Variants in DNAH6 observed in about 807,000 individuals in gnomAD.
DNAH6 encodes the protein dynein axonemal heavy chain 6, also known as axonemal beta dynein heavy chain 6.
Under a neutral mutation model 491.4 loss-of-function variants are expected in DNAH6, and 340 were observed. That is an observed-to-expected ratio of 0.69 (90% confidence interval 0.63 to 0.76). The LOEUF (loss-of-function observed/expected upper bound fraction) is 0.76. Ranked by LOEUF, DNAH6 falls within the 30% of genes least tolerant of loss-of-function variation. DNAH6 has a pLI of 0.00. For missense variants in DNAH6, 4,443 were observed against 4,972.2 expected, an observed-to-expected ratio of 0.89 and a Z score of 3.20; for synonymous variants, 1,603 against 1,686.1, an observed-to-expected ratio of 0.95 and a Z score of 1.21.
In DNAH6 at chr2:84,797,761, TAAAC is replaced by T. The variant is rs901754535; in HGVS notation, c.11481+107_11481+110del. 2.9e-5 allele frequency: 29 copies of T among 1,011,990 alleles called. No homozygotes were observed. The Admixed American group carries it at 5.0e-4, about 18-fold the overall frequency. The allele number at this position is 1,011,990 out of a possible 1,614,324, so 62.7% of individuals were successfully genotyped here. ...CTCTGGAAATTATAATCTTCCTAAA[TAAAC>T]AAATAAAATAATTGTTTCACCTTGA... is the stretch of plus-strand genomic sequence containing the variant. On this transcript the variant is annotated intron_variant, in intron 70 of 76. Coordinates refer to ENST00000389394, the MANE Select transcript of DNAH6 (RefSeq NM_001370.2).
At chr2:84,793,914 A>G (rs528956666) in intron 68 of DNAH6, among the ~76,000 whole-genome samples, 4 of 152,180 alleles carry the variant, frequency 2.6e-5, no homozygotes, top group African/African-American at 9.6e-5. Context: ...CTCTCAACCA[A>G]CCATCTCAGC....
chr2:84,790,033 A>C (rs1417932941), intron 68 of DNAH6, among the ~76,000 whole-genome samples: 1 of 152,226 alleles, frequency 6.6e-6, no homozygotes, highest in African/African-American at 2.4e-5. Context: ...TTGTGTTGAG[A>C]AATAACATAT....
At chr2:84,579,752 G>A in intron 14 of DNAH6, 73 bp downstream of exon 14, 1 of 1,342,232 alleles carries the variant, frequency 7.5e-7, no homozygotes, top group Non-Finnish European at 1.0e-6. Flanking sequence ...ACAAGAAAAA[G>A]TGAAGGACTA....
chr2:84,576,325 C>T (rs1197537910), intron 12 of DNAH6, among the ~76,000 whole-genome samples: 3 of 152,048 alleles, frequency 2.0e-5, no homozygotes, highest in African/African-American at 7.2e-5. Flanking sequence ...AAGACCTGAG[C>T]TCAGGTCTTC....
the DNAH6 span, among the ~76,000 whole-genome samples, chr2:84,491,265 T>C: frequency 6.6e-6 from 1 of 152,244 alleles, no homozygotes; most frequent in African/African-American, 2.4e-5. Flanking sequence ...TTCAACTATA[T>C]TTTTAACATT....
intron 76 of DNAH6, among the ~76,000 whole-genome samples, chr2:84,817,632 G>A (rs1680618621): frequency 6.6e-6 from 1 of 152,066 alleles, no homozygotes; most frequent in Admixed American, 6.5e-5. Context: ...AACTGTCTTT[G>A]TTTGTGTTTG....
Position 84,533,735 on chromosome 2 carries a change from T to C in DNAH6, c.662+4569T>C, listed in dbSNP as rs148469214. ...AATTTGTTTACTTCCATTTTCTAAA[T>C]TGAAACACTCAGCCTTGCAGCTTTA... is the stretch of plus-strand genomic sequence containing the variant. On this transcript the variant is annotated intron_variant, in intron 4 of 76. Transcript: ENST00000389394. 3.1e-3 allele frequency among the ~76,000 whole-genome samples: 467 copies of C among 152,272 alleles called. 2 individuals carry two copies. The highest frequency in any genetic ancestry group is 5.2e-3 in the Admixed American group (79 of 15,262).
At chr2:84,785,873 G>C in intron 67 of DNAH6, 117 bp downstream of exon 67, 3 of 1,089,016 alleles carry the variant, frequency 2.8e-6, no homozygotes, top group Non-Finnish European at 3.7e-6. Context: ...GCCCCATTCT[G>C]TGTCTGAACC....
intron 45 of DNAH6, among the ~76,000 whole-genome samples, chr2:84,689,357 T>C (rs1314565492): frequency 1.3e-5 from 2 of 151,556 alleles, no homozygotes; most frequent in Non-Finnish European, 2.9e-5. Context: ...AAGCCACTCC[T>C]ACCCTTAGCA....
intron 38 of DNAH6, among the ~76,000 whole-genome samples, chr2:84,669,926 T>G (rs1012179115): frequency 1.3e-5 from 2 of 152,200 alleles, no homozygotes; most frequent in African/African-American, 4.8e-5. Context: ...TATTTGGGGT[T>G]TTTTGTTAAA....
At chr2:84,460,301 G>A in the DNAH6 span, among the ~76,000 whole-genome samples, 3 of 152,174 alleles carry the variant, frequency 2.0e-5, no homozygotes, top group African/African-American at 7.2e-5. Context: ...GGACTTCACT[G>A]CAAATAAACT....
At chr2:84,600,742 C>T (rs562920815) in intron 18 of DNAH6, among the ~76,000 whole-genome samples, 1 of 152,004 alleles carries the variant, frequency 6.6e-6, no homozygotes, top group South Asian at 2.1e-4. Context: ...TGGTGTTCAG[C>T]TTGACCACAT....
chr2:84,705,388 T>G, intron 51 of DNAH6, 98 bp from the exon 52 acceptor site: 1 of 1,133,212 alleles, frequency 8.8e-7, no homozygotes, highest in South Asian at 1.9e-5. Context: ...AATTATCCAC[T>G]TATTGGGATA....
At chr2:84,711,952 T>C (rs1257319245) in intron 56 of DNAH6, among the ~76,000 whole-genome samples, 1 of 152,160 alleles carries the variant, frequency 6.6e-6, no homozygotes, top group Non-Finnish European at 1.5e-5. Context: ...AGACAAAAGG[T>C]TTTCTGTGAT....
rs1310055919 is a variant in DNAH6 at position 84,517,969 on chromosome 2, C to T, written c.143C>T (p.Thr48Ile). Residue 48 changes from threonine (T) to isoleucine (I), a missense_variant, in exon 2 of 77, where the codon ACA (threonine) becomes ATA (isoleucine). Thr to Ile is a moderately conservative substitution (Grantham distance 89). Around this residue, in one of 3 missense-constraint regions of DNAH6, gnomAD observed 2,977 missense variants for 3,296.6 expected, o/e 0.90. Transcript: ENST00000389394. ...ACATCCACAGAAAATGAATCTGATA[C>T]ACAAATCCTAACGTTTAGGCACATT... ...YVTSTENESD[T>I]QILTFRHITK... is the part of the protein sequence containing the mutation. 1.9e-6 allele frequency: 3 copies of T among 1,551,702 alleles called. No homozygotes were observed. Among genetic ancestry groups the T allele is most frequent in the East Asian group, 4.9e-5 (2 of 40,902 alleles).
chr2:84,748,178 T>A (rs1673146197), intron 63 of DNAH6, among the ~76,000 whole-genome samples: 1 of 152,078 alleles, frequency 6.6e-6, no homozygotes, highest in Non-Finnish European at 1.5e-5. Context: ...TAGCAAGTGG[T>A]TGTTCTGCAG....
intron 60 of DNAH6, among the ~76,000 whole-genome samples, chr2:84,724,280 A>G (rs891001888): frequency 6.6e-6 from 1 of 152,326 alleles, no homozygotes; most frequent in Middle Eastern, 3.4e-3. Context: ...TGTATAGTCA[A>G]TGCTGGCTCA....
chr2:84,549,959 C>G lies in DNAH6; in HGVS notation c.1387C>G (p.Leu463Val), dbSNP rs1190473876. 4 of 1,613,686 alleles carry G rather than the reference C, an allele frequency of 2.5e-6. No homozygotes were observed. Among genetic ancestry groups the G allele is most frequent in the Non-Finnish European group, 3.4e-6 (4 of 1,179,854 alleles). The part of the protein sequence containing the change: ...HILTVNAVNS[L>V]LNHLTDKLKR... ...CTTAACGGTAAATGCTGTTAATTCG[C>G]TTTTGAACCATCTCACTGACAAGCT... Residue 463 changes from leucine (L) to valine (V), a missense_variant, in exon 9 of 77, where the codon CTT becomes GTT. This residue lies in a region of DNAH6 where 2,977 missense variants were observed against 3,296.6 expected (regional missense o/e 0.90). Coordinates refer to ENST00000389394, the MANE Select transcript of DNAH6 (RefSeq NM_001370.2).
chr2:84,673,166 G>A (rs1001005157), intron 40 of DNAH6, among the ~76,000 whole-genome samples: 5 of 152,126 alleles, frequency 3.3e-5, no homozygotes, highest in African/African-American at 9.7e-5. Flanking sequence ...GAAAGGGAGC[G>A]TTTTACACCC....
Sources: gnomAD v4.1 joint callset for allele counts (sites outside exome capture counted in the v4.1 genomes callset) on GRCh38, gnomAD v4.1.1 for gene constraint, gnomAD v4.1.1 regional missense constraint, MANE v1.5 for transcripts, NCBI Gene and HGNC (gene_info 2026-07-23, HGNC 2026-07-21) for gene names.